Variants in LIMD1 observed in about 807,000 individuals in gnomAD.
LIMD1 encodes the protein LIM domain containing 1, also known as LIM domain-containing protein 1.
Under a neutral mutation model 58.4 loss-of-function variants are expected in LIMD1, and 23 were observed. The observed-to-expected ratio is 0.39, with a 90% CI of 0.28 to 0.56. The LOEUF (loss-of-function observed/expected upper bound fraction) is 0.56. LIMD1 is among the 20% of genes least tolerant of loss of function. The pLI is 0.57. For synonymous variants in LIMD1, 334 were observed against 345.5 expected (o/e 0.97, Z 0.37); for missense variants, 838 against 855.5 (o/e 0.98, Z 0.25).
At chr3:45,662,574 G>A (rs770818315) in intron 2 of LIMD1, among the ~76,000 whole-genome samples, 29 of 151,876 alleles carry the variant, frequency 1.9e-4, no homozygotes, top group African/African-American at 6.5e-4. Flanking sequence ...TATAAAAATT[G>A]GAATCATCTT....
At chr3:45,647,826 C>T (rs1386651474) in intron 2 of LIMD1, among the ~76,000 whole-genome samples, 2 of 152,208 alleles carry the variant, frequency 1.3e-5, no homozygotes, top group Admixed American at 1.3e-4. Context: ...TCCCCCTCCT[C>T]CGCTGCCCCA....
At chr3:45,647,161 G>C (rs1310675664) in intron 2 of LIMD1, among the ~76,000 whole-genome samples, 2 of 152,134 alleles carry the variant, frequency 1.3e-5, no homozygotes, top group African/African-American at 4.8e-5. Context: ...GTTTTTGCCT[G>C]GTTGTCATCA....
intron 2 of LIMD1, among the ~76,000 whole-genome samples, chr3:45,637,422 A>G (rs1368424924): frequency 6.6e-6 from 1 of 152,104 alleles, no homozygotes; most frequent in Admixed American, 6.6e-5. Context: ...CTGGGACTAC[A>G]GATGTGCACC....
intron 7 of LIMD1, among the ~76,000 whole-genome samples, chr3:45,675,540 G>T (rs1039177798): frequency 6.6e-6 from 1 of 151,826 alleles, no homozygotes; most frequent in Non-Finnish European, 1.5e-5. Flanking sequence ...AAAAAAGAAA[G>T]AACTATGAGA....
At chr3:45,641,505 ATATTT>A (rs1559520749) in intron 2 of LIMD1, among the ~76,000 whole-genome samples, 1 of 148,578 alleles carries the variant, frequency 6.7e-6, no homozygotes, top group Non-Finnish European at 1.5e-5. Flanking sequence ...ATAATTATAT[ATATTT>A]TATTTTATTT....
intron 2 of LIMD1, among the ~76,000 whole-genome samples, chr3:45,664,815 A>G (rs550644986): frequency 4.6e-5 from 7 of 152,196 alleles, no homozygotes; most frequent in African/African-American, 1.4e-4. Flanking sequence ...GCTGGCCCCA[A>G]AGGGCTTGGT....
chr3:45,601,688 C>T (rs956803678), intron 1 of LIMD1, among the ~76,000 whole-genome samples: 8 of 152,200 alleles, frequency 5.3e-5, no homozygotes, highest in Non-Finnish European at 8.8e-5. Context: ...TCTCTGTTTA[C>T]AGTTGAGAAA....
chr3:45,661,333 C>A (rs1697434584), intron 2 of LIMD1, among the ~76,000 whole-genome samples: 1 of 152,120 alleles, frequency 6.6e-6, no homozygotes, highest in Admixed American at 6.5e-5. Context: ...TGAGTGTGTT[C>A]ATAACTGTAA....
rs1488476053 is a variant in LIMD1, at chr3:45,685,518, A to G, written c.*8459A>G. ...AGAGGAAATGTCCAAGAGCCCAGAGATAGTGGGTAAAAGCATCATAAGGAC... is the reference window on the plus strand; with the variant it reads ...AGAGGAAATGTCCAAGAGCCCAGAGGTAGTGGGTAAAAGCATCATAAGGAC... On this transcript the variant is annotated 3_prime_UTR_variant, in exon 8 of 8. Coordinates refer to ENST00000273317, the MANE Select transcript of LIMD1 (RefSeq NM_014240.3). 2 of 152,166 alleles carry G rather than the reference A, an allele frequency of 1.3e-5. No homozygotes were observed. The highest frequency in any genetic ancestry group is 2.9e-5 in the Non-Finnish European group (2 of 68,032). 9.4% of individuals were successfully genotyped at this position (152,166 alleles called of 1,614,324 possible). A position where few individuals can be genotyped will look rare whatever the true frequency, so the allele number is the denominator to read the frequency against.
chr3:45,613,677 T>C (rs913000168), intron 1 of LIMD1, among the ~76,000 whole-genome samples: 41 of 152,006 alleles, frequency 2.7e-4, no homozygotes, highest in African/African-American at 9.7e-4. Flanking sequence ...TTTTTTTCTT[T>C]TGTAAATATG....
intron 1 of LIMD1, among the ~76,000 whole-genome samples, chr3:45,597,292 C>T (rs972958151): frequency 5.3e-5 from 8 of 152,218 alleles, no homozygotes; most frequent in Admixed American, 2.6e-4. Flanking sequence ...CCCAGCCAGC[C>T]GTGATCCTGC....
intron 2 of LIMD1, among the ~76,000 whole-genome samples, chr3:45,651,572 A>G (rs1701974815): frequency 1.3e-5 from 2 of 151,980 alleles, no homozygotes. Flanking sequence ...TTTTCCCAGC[A>G]CCATTAAGTA....
intron 1 of LIMD1, among the ~76,000 whole-genome samples, chr3:45,597,360 A>C (rs551155070): frequency 6.6e-6 from 1 of 152,174 alleles, no homozygotes; most frequent in Non-Finnish European, 1.5e-5. Flanking sequence ...GCCTACACCC[A>C]GGTAACAGCC....
chr3:45,625,418 C>G (rs1394096559), intron 1 of LIMD1, among the ~76,000 whole-genome samples: 2 of 152,132 alleles, frequency 1.3e-5, no homozygotes, highest in African/African-American at 4.8e-5. Context: ...CCTTTCCTGT[C>G]TCTGAGCCTT....
chr3:45,604,751 G>A (rs2125648813), intron 1 of LIMD1, among the ~76,000 whole-genome samples: 1 of 152,300 alleles, frequency 6.6e-6, no homozygotes, highest in Middle Eastern at 3.4e-3. Context: ...GCTGGGAGCT[G>A]TAGCCCTGGC....
Position 45,649,556 on chromosome 3 carries a change from C to A in LIMD1, c.1510+13305C>A, listed in dbSNP as rs1210901103. On this transcript the variant is annotated intron_variant, in intron 2 of 7. Transcript: ENST00000273317. ...ATTAGCCGGGCATGGTGGCGGGTGC[C>A]TGTAGTCCCAGCTACTGGCGAGGCT... Among the ~76,000 whole-genome samples the A allele has an allele frequency of 2.7e-5, 4 of 150,720 alleles. No individual in the cohort carries two copies. In the South Asian group the frequency reaches 8.3e-4, roughly 31 times the overall value.
intron 7 of LIMD1, among the ~76,000 whole-genome samples, chr3:45,676,227 G>A (rs1032182978): frequency 1.3e-5 from 2 of 151,694 alleles, no homozygotes; most frequent in African/African-American, 4.9e-5. Flanking sequence ...AGAAAACAGA[G>A]GGAGACTGTC....
intron 2 of LIMD1, among the ~76,000 whole-genome samples, chr3:45,637,095 G>A (rs1701796857): frequency 6.6e-6 from 1 of 152,174 alleles, no homozygotes; most frequent in Admixed American, 6.5e-5. Flanking sequence ...CTAACCATCT[G>A]GCCCCGTGGT....
intron 7 of LIMD1, among the ~76,000 whole-genome samples, chr3:45,676,173 T>C (rs192254670): frequency 9.2e-5 from 14 of 151,590 alleles, no homozygotes; most frequent in African/African-American, 3.1e-4. Context: ...ACGGGGGAGG[T>C]GGATGTTGCA....
Sources: gnomAD v4.1 joint callset for allele counts (sites outside exome capture counted in the v4.1 genomes callset) on GRCh38, gnomAD v4.1.1 for gene constraint, MANE v1.5 for transcripts, NCBI Gene and HGNC (gene_info 2026-07-23, HGNC 2026-07-21) for gene names.